The following IQSEC1 variants were observed in gnomAD, a reference collection of about 807,000 sequenced individuals.
The protein encoded by IQSEC1 is IQ motif and SEC7 domain-containing protein 1.
IQSEC1 carries 31 observed loss-of-function variants against 91.0 expected under a neutral mutation model. The ratio of observed to expected loss-of-function variants is 0.34; its 90% confidence interval spans 0.26 to 0.46. IQSEC1 has a LOEUF of 0.46. Among genes scored for constraint, IQSEC1 ranks in the 20% least tolerant of loss-of-function variants. The pLI is 1.00. For synonymous variants in IQSEC1, 699 were observed against 662.6 expected (o/e 1.05, Z -0.84); for missense variants, 1,388 against 1,575.6 (o/e 0.88, Z 2.02).
At chr3:13,238,241 T>C (rs1268133436) in intron 1 of IQSEC1, among the ~76,000 whole-genome samples, 1 of 152,176 alleles carries the variant, frequency 6.6e-6, no homozygotes, top group Non-Finnish European at 1.5e-5. Context: ...GCAAGACACA[T>C]GCAGGACCCT....
intron 2 of IQSEC1, among the ~76,000 whole-genome samples, chr3:13,115,355 C>T (rs1455766544): frequency 6.6e-6 from 1 of 152,188 alleles, no homozygotes; most frequent in Non-Finnish European, 1.5e-5. Flanking sequence ...AGGATGAGGG[C>T]CTGGCCAGAA....
At position 13,197,670 on chromosome 3, in the gene IQSEC1, C is replaced by T. The variant is rs185839472; in HGVS notation, c.273-33537G>A. On this transcript the variant is annotated intron_variant, in intron 1 of 15. Coordinates refer to the IQSEC1 transcript ENST00000648114. ...AGTCGCTAGTCAGCATCCCACCTTA[C>T]GACCAGCAGAGTGGTTCAGGGAGGT... 3.5e-3 allele frequency among the ~76,000 whole-genome samples: 532 copies of T among 152,322 alleles called. 9 individuals are homozygous for T. Among genetic ancestry groups the T allele is most frequent in the Non-Finnish European group, 1.0e-3 (68 of 68,022 alleles).
intron 1 of IQSEC1, among the ~76,000 whole-genome samples, chr3:13,069,100 G>T (rs1398786964): frequency 2.0e-5 from 3 of 152,258 alleles, no homozygotes; most frequent in South Asian, 2.1e-4. Flanking sequence ...TGTAAAGGGT[G>T]GATAGATGCT....
intron 1 of IQSEC1, among the ~76,000 whole-genome samples, chr3:12,953,073 T>A (rs1048854778): frequency 2.2e-4 from 34 of 152,204 alleles, no homozygotes; most frequent in Non-Finnish European, 1.2e-4. Context: ...GCCTGATCCT[T>A]CATCCCCTCA....
chr3:13,243,498 C>T (rs1329265806), intron 1 of IQSEC1, among the ~76,000 whole-genome samples: 1 of 152,216 alleles, frequency 6.6e-6, no homozygotes. Context: ...CAGGGGTGCT[C>T]TCTGCTCCAG....
chr3:12,905,956 CTT>C (rs771098075), intron 12 of IQSEC1, among the ~76,000 whole-genome samples: 15 of 152,206 alleles, frequency 9.9e-5, no homozygotes, highest in Non-Finnish European at 1.9e-4. Context: ...GGTGGGGAGT[CTT>C]AGCCCAAGGG....
intron 2 of IQSEC1, among the ~76,000 whole-genome samples, chr3:13,130,531 T>C (rs967021336): frequency 7.2e-5 from 11 of 152,138 alleles, no homozygotes; most frequent in African/African-American, 2.7e-4. Context: ...GAGAAGAATG[T>C]ATGTTGCTCT....
chr3:13,002,832 A>G (rs950719353), intron 1 of IQSEC1, among the ~76,000 whole-genome samples: 2 of 152,050 alleles, frequency 1.3e-5, no homozygotes, highest in African/African-American at 4.8e-5. Context: ...ACAATAACAA[A>G]TGTGGGACAG....
exon 1 of IQSEC1, among the ~76,000 whole-genome samples, chr3:13,283,178 GC>G (rs1193122641): frequency 4.9e-5 from 7 of 144,186 alleles, no homozygotes; most frequent in Admixed American, 4.8e-4. Context: ...GCGCTCCGCC[GC>G]CCGCTGCCCC....
chr3:13,176,282 C>A (rs138426500), intron 1 of IQSEC1, among the ~76,000 whole-genome samples: 3,653 of 152,274 alleles, frequency 0.024, 69 homozygotes, highest in Non-Finnish European at 0.037. Context: ...GCCAGAACAA[C>A]GTCAGAACTG....
At chr3:13,042,593 G>A (rs1010499093) in intron 1 of IQSEC1, among the ~76,000 whole-genome samples, 4 of 152,232 alleles carry the variant, frequency 2.6e-5, no homozygotes, top group East Asian at 1.9e-4. Flanking sequence ...CGCCTGGCCC[G>A]GCTCATGCTG....
intron 1 of IQSEC1, among the ~76,000 whole-genome samples, chr3:12,957,024 T>C (rs1699953356): frequency 6.6e-6 from 1 of 152,224 alleles, no homozygotes; most frequent in South Asian, 2.1e-4. Context: ...TCAAGTCTTG[T>C]GGCTGGGCTT....
At chr3:13,051,340 C>T (rs561674446) in intron 1 of IQSEC1, among the ~76,000 whole-genome samples, 1 of 152,298 alleles carries the variant, frequency 6.6e-6, no homozygotes, top group South Asian at 2.1e-4. Context: ...TGCCCCAGGC[C>T]TACACCCTGG....
At chr3:13,210,390 AG>A (rs1309147113) in intron 1 of IQSEC1, among the ~76,000 whole-genome samples, 1 of 152,104 alleles carries the variant, frequency 6.6e-6, no homozygotes, top group Non-Finnish European at 1.5e-5. Context: ...CGCAGCTGGC[AG>A]GGGTTGCACC....
chr3:13,080,451 G>GAT (rs1705630849), intron 2 of IQSEC1, among the ~76,000 whole-genome samples: 1 of 152,116 alleles, frequency 6.6e-6, no homozygotes, highest in Non-Finnish European at 1.5e-5. Flanking sequence ...GGTGGAGGGA[G>GAT]ATATAACCCC....
intron 2 of IQSEC1, among the ~76,000 whole-genome samples, chr3:13,162,089 A>G (rs1707189217): frequency 6.6e-6 from 1 of 152,204 alleles, no homozygotes. Context: ...GGGGCAGACC[A>G]GATCCCCACC....
rs563981047 is a variant in IQSEC1, at chr3:13,195,532, C to T, written c.273-31399G>A. On this transcript the variant is annotated intron_variant, in intron 1 of 15. Coordinates refer to the IQSEC1 transcript ENST00000648114. ...CGAATCCAATTCATGGAACACTATT[C>T]GGCAATCAAAAAGAATGAATTATGG... is the stretch of plus-strand genomic sequence containing the variant. Among the ~76,000 whole-genome samples, 8 of 152,300 alleles carry T rather than the reference C, an allele frequency of 5.3e-5. No individual in the cohort carries two copies. The South Asian group carries it at 1.7e-3, about 32-fold the overall frequency.
Position 12,908,586 on chromosome 3 carries a change from G to C in IQSEC1, c.2579-61C>G. On this transcript the variant is annotated intron_variant, in intron 11 of 13. Coordinates refer to ENST00000613206, the MANE Select transcript of IQSEC1 (RefSeq NM_001134382.3). The surrounding 1 kb of genome is among the most constrained non-coding windows in gnomAD (Gnocchi z 4.9). ...GCACAGCCTAGAGTGGGCAGGAGAC[G>C]GGGCCTTCTGCTTGGAGCTAGCACT... The C allele has an allele frequency of 6.4e-7, 1 of 1,553,872 alleles. No individual in the cohort carries two copies. Among genetic ancestry groups the C allele is most frequent in the African/African-American group, 1.4e-5 (1 of 73,864 alleles).
chr3:13,187,304 A>G (rs1031644656), intron 1 of IQSEC1, among the ~76,000 whole-genome samples: 1 of 152,176 alleles, frequency 6.6e-6, no homozygotes, highest in Admixed American at 6.5e-5. Flanking sequence ...CATGATACAG[A>G]TGGAAGCAGA....
Sources: allele counts gnomAD v4.1 joint callset (sites outside exome capture counted in the v4.1 genomes callset), GRCh38; gene constraint gnomAD v4.1.1; non-coding constraint Gnocchi (gnomAD v3.1); transcripts MANE v1.5; gene names NCBI Gene and HGNC (gene_info 2026-07-23, HGNC 2026-07-21).